The following MYO5B variants were observed in gnomAD, a reference collection of about 807,000 sequenced individuals.
MYO5B encodes myosin VB.
Under a neutral mutation model 229.3 loss-of-function variants are expected in MYO5B, and 143 were observed. The observed-to-expected ratio is 0.62, with a 90% CI of 0.54 to 0.72. The LOEUF is 0.72. Ranked by LOEUF, MYO5B falls within the 30% of genes least tolerant of loss-of-function variation. The pLI is 0.00. For synonymous variants in MYO5B, 918 were observed against 885.2 expected, an observed-to-expected ratio of 1.04 and a Z score of -0.66; for missense variants, 2,321 against 2,331.0, an observed-to-expected ratio of 1.00 and a Z score of 0.09.
chr18:50,152,993 A>T (rs2032624204), intron 1 of MYO5B, among the ~76,000 whole-genome samples: 1 of 152,110 alleles, frequency 6.6e-6, no homozygotes, highest in African/African-American at 2.4e-5. Flanking sequence ...CTTGTGAAAA[A>T]TGCAGGAAAT....
rs3744844 is a variant in MYO5B at position 49,936,589 on chromosome 18, C to T, written c.1906-240G>A. 0.016 allele frequency among the ~76,000 whole-genome samples: 2,469 copies of T among 152,008 alleles called. 64 individuals are homozygous for T. The highest frequency in any genetic ancestry group is 0.056 in the African/African-American group (2,315 of 41,436). ...GAATTACATGGGGGACAGACTACCC[C>T]CTAATGTGCCTAACTCCCAGTGCTG... is the stretch of plus-strand genomic sequence containing the variant. On this transcript the variant is annotated intron_variant, in intron 15 of 39. Coordinates refer to ENST00000285039, the MANE Select transcript of MYO5B (RefSeq NM_001080467.3).
intron 12 of MYO5B, among the ~76,000 whole-genome samples, chr18:49,956,903 T>G (rs1161310089): frequency 1.3e-5 from 2 of 152,142 alleles, no homozygotes; most frequent in Non-Finnish European, 2.9e-5. Context: ...GATTAGTGGT[T>G]GCCTGGGGCT....
intron 1 of MYO5B, among the ~76,000 whole-genome samples, chr18:50,095,687 G>A (rs1032136783): frequency 1.3e-5 from 2 of 152,182 alleles, no homozygotes; most frequent in African/African-American, 2.4e-5. Flanking sequence ...TTAAGTGAAC[G>A]AGACCCATGC....
chr18:50,040,232 A>C lies in MYO5B; in HGVS notation c.221T>G (p.Leu74Arg). The C allele has an allele frequency of 6.2e-7, 1 of 1,614,160 alleles. No homozygotes were observed. The highest frequency in any genetic ancestry group is 8.5e-7 in the Non-Finnish European group (1 of 1,180,000). ...NPDILVGEND[L>R]TALSYLHEPA... ...CTCATGAAGATAGCTAAGGGCAGTCAGGTCATTTTCTCCCACCAAGATATC... is the reference window on the plus strand; with the variant it reads ...CTCATGAAGATAGCTAAGGGCAGTCCGGTCATTTTCTCCCACCAAGATATC... Residue 74 changes from leucine (L) to arginine (R), a missense_variant, in exon 3 of 40, where the codon CTG becomes CGG. Around this residue, in one of 2 missense-constraint regions of MYO5B, gnomAD observed 2,113 missense variants for 2,044.7 expected, o/e 1.03. Transcript: ENST00000285039.
chr18:49,933,071 G>A (rs1317309073), intron 16 of MYO5B, among the ~76,000 whole-genome samples: 1 of 152,206 alleles, frequency 6.6e-6, no homozygotes, highest in Non-Finnish European at 1.5e-5. Flanking sequence ...ATCCCACTGT[G>A]TTAGAACCGA....
At chr18:49,895,595 G>T (rs530729207) in intron 21 of MYO5B, among the ~76,000 whole-genome samples, 1 of 152,288 alleles carries the variant, frequency 6.6e-6, no homozygotes, top group East Asian at 1.9e-4. Flanking sequence ...GGACTTGCCA[G>T]CACAAAGAGT....
rs2032574829 is a variant in MYO5B, at chr18:50,150,143, A to G, written c.27+44624T>C. On this transcript the variant is annotated intron_variant, in intron 1 of 39. Coordinates refer to ENST00000285039, the MANE Select transcript of MYO5B (RefSeq NM_001080467.3). ...CAAAACCACAATGAGATACCATCTC[A>G]CACCAGTTAGAATGGCAATCATTAA... Among the ~76,000 whole-genome samples, 3 of 140,712 alleles carry G rather than the reference A, an allele frequency of 2.1e-5. No individual in the cohort carries two copies. The Middle Eastern group carries it at 0.011, about 521-fold the overall frequency. The allele number at this position is 140,712 out of a possible 152,430, so 92.3% of individuals were successfully genotyped here.
intron 38 of MYO5B, 68 bp from the exon 39 acceptor site, chr18:49,835,492 G>A: frequency 1.0e-6 from 1 of 985,998 alleles, no homozygotes; most frequent in Non-Finnish European, 1.6e-6. Flanking sequence ...GAACTTTAAA[G>A]AATATGTGAC....
intron 2 of MYO5B, among the ~76,000 whole-genome samples, chr18:50,054,250 G>A (rs1031655192): frequency 9.9e-5 from 15 of 152,200 alleles, no homozygotes; most frequent in Non-Finnish European, 1.6e-4. Context: ...AGGAGTCCCA[G>A]CTACTCCAGG....
chr18:49,925,328 C>T (rs750753518), intron 17 of MYO5B, among the ~76,000 whole-genome samples: 1 of 152,200 alleles, frequency 6.6e-6, no homozygotes, highest in Non-Finnish European at 1.5e-5. Flanking sequence ...TCCCGCCTTC[C>T]GGTTGTCCCA....
rs780609011 is a variant in MYO5B at position 49,843,256 on chromosome 18, A to G, written c.4596T>C (p.Ile1532=). The G allele has an allele frequency of 6.2e-7, 1 of 1,613,918 alleles. No individual in the cohort carries two copies. Among genetic ancestry groups the G allele is most frequent in the Non-Finnish European group, 8.5e-7 (1 of 1,180,016 alleles). ...HSLLTSTING[I]KKVLKKHNDD... ...GGCTGCTTACTTTCAGGACTTTCTTAATGCCGTTGATGGTGGAGGTCAGCA... is the reference window on the plus strand; with the variant it reads ...GGCTGCTTACTTTCAGGACTTTCTTGATGCCGTTGATGGTGGAGGTCAGCA... Residue 1532 remains isoleucine, a synonymous_variant, in exon 34 of 40, where the codon ATT becomes ATC. Coordinates refer to ENST00000285039, the MANE Select transcript of MYO5B (RefSeq NM_001080467.3).
chr18:49,980,596 C>T (rs781392146), intron 8 of MYO5B, 43 bp from the exon 9 acceptor site: 43 of 1,415,402 alleles, frequency 3.0e-5, no homozygotes, highest in Middle Eastern at 1.7e-4. Flanking sequence ...TATCCATGGT[C>T]GGACAGAAAG....
chr18:49,884,076 GCACAAGCCACCAAATACAATGCCA>G (rs2024617931), intron 22 of MYO5B, among the ~76,000 whole-genome samples: 3 of 25,760 alleles, frequency 1.2e-4, no homozygotes, highest in Non-Finnish European at 1.9e-4. Flanking sequence ...AATGCCAAAA[GCACAAGCCACCAAATACAATGCCA>G]AAAGCACAAG....
chr18:50,036,745 C>T, intron 4 of MYO5B, 105 bp downstream of exon 4: 1 of 1,361,530 alleles, frequency 7.3e-7, no homozygotes, highest in Non-Finnish European at 1.0e-6. Context: ...TCCTCAGTCC[C>T]AATCTCACCA....
chr18:50,065,957 G>A (rs2030810045), intron 1 of MYO5B, among the ~76,000 whole-genome samples: 1 of 152,152 alleles, frequency 6.6e-6, no homozygotes, highest in African/African-American at 2.4e-5. Context: ...GAGGGCCAGT[G>A]TGGGTGGGAG....
chr18:50,076,194 G>A (rs571985121), intron 1 of MYO5B, among the ~76,000 whole-genome samples: 2 of 152,190 alleles, frequency 1.3e-5, no homozygotes, highest in African/African-American at 2.4e-5. Flanking sequence ...CAGAGGCAGA[G>A]CTCACTCACT....
intron 9 of MYO5B, among the ~76,000 whole-genome samples, chr18:49,977,652 A>T (rs2144288007): frequency 6.6e-6 from 1 of 152,264 alleles, no homozygotes; most frequent in South Asian, 2.1e-4. Flanking sequence ...AAGTGGACTG[A>T]ACACTGCCTG....
At chr18:50,152,282 A>C (rs1235773493) in intron 1 of MYO5B, among the ~76,000 whole-genome samples, 1 of 152,178 alleles carries the variant, frequency 6.6e-6, no homozygotes, top group Non-Finnish European at 1.5e-5. Context: ...ACAGAATTTC[A>C]TAGGTTTCCT....
At chr18:50,074,677 C>T (rs962052177) in intron 1 of MYO5B, among the ~76,000 whole-genome samples, 7 of 152,140 alleles carry the variant, frequency 4.6e-5, no homozygotes, top group African/African-American at 1.7e-4. Context: ...TCCCGACCAA[C>T]TAATGTAAAA....
Sources: allele counts gnomAD v4.1 joint callset (sites outside exome capture counted in the v4.1 genomes callset), GRCh38; gene constraint gnomAD v4.1.1; regional missense constraint gnomAD v4.1.1; transcripts MANE v1.5; gene names NCBI Gene and HGNC (gene_info 2026-07-23, HGNC 2026-07-21).